The following GEN1 variants were observed in gnomAD, a reference collection of about 807,000 sequenced individuals.
The protein encoded by GEN1 is flap endonuclease GEN homolog 1.
GEN1 carries 64 observed loss-of-function variants against 67.6 expected under a neutral mutation model. The observed-to-expected ratio is 0.95, with a 90% CI of 0.77 to 1.17. The LOEUF (loss-of-function observed/expected upper bound fraction) is 1.17, where lower values mean the gene tolerates loss of function less well. GEN1 is among the 50% of genes most tolerant of loss of function. The pLI, the probability that GEN1 is intolerant of heterozygous loss-of-function variation, is 0.00. For missense variants in GEN1, 1,058 were observed against 1,048.3 expected, an observed-to-expected ratio of 1.01 and a Z score of -0.13; for synonymous variants, 371 against 359.4, an observed-to-expected ratio of 1.03 and a Z score of -0.37.
Position 17,782,007 on chromosome 2 carries a change from G to T in GEN1, c.*68G>T. The T allele has an allele frequency of 1.2e-6, 1 of 830,306 alleles. No individual in the cohort carries two copies. Among genetic ancestry groups the T allele is most frequent in the Non-Finnish European group, 1.9e-6 (1 of 533,292 alleles). The allele number at this position is 830,306 out of a possible 1,614,324, so 51.4% of individuals were successfully genotyped here. A position where few individuals can be genotyped will look rare whatever the true frequency, so the allele number is the denominator to read the frequency against. On this transcript the variant is annotated 3_prime_UTR_variant, in exon 14 of 14. Transcript: ENST00000381254. ...CAGCAATAGCAGAGACAGAGGGAAG[G>T]TATCTAGTTCATGTGTGGTAAAAAT...
chr2:17,776,996 C>T (rs938141821), intron 11 of GEN1, among the ~76,000 whole-genome samples: 1 of 152,094 alleles, frequency 6.6e-6, no homozygotes, highest in Non-Finnish European at 1.5e-5. Context: ...CCTGGTGGTA[C>T]ATGCCTGTAA....
rs1383525613 is a variant in GEN1 at position 17,780,620 on chromosome 2, G to T, written c.1409-1G>T. 2 of 1,526,744 alleles carry T rather than the reference G, an allele frequency of 1.3e-6. No individual in the cohort carries two copies. The highest frequency in any genetic ancestry group is 8.8e-7 in the Non-Finnish European group (1 of 1,136,180). The allele number at this position is 1,526,744 out of a possible 1,614,324, so 94.6% of individuals were successfully genotyped here. A position where few individuals can be genotyped will look rare whatever the true frequency, so the allele number is the denominator to read the frequency against. On this transcript the variant is annotated splice_acceptor_variant, in intron 13 of 13. Transcript: ENST00000381254. LOFTEE classifies it high-confidence loss of function. ...ATTATATGTATTTTTTTTCTTTTCAGGTATTAAGCCTAAAGAAAACAATTT... is the reference window on the plus strand; with the variant it reads ...ATTATATGTATTTTTTTTCTTTTCATGTATTAAGCCTAAAGAAAACAATTT...
At position 17,787,409 on chromosome 2, in the gene GEN1, C is replaced by T. The variant is rs1485550122; in HGVS notation, c.*5470C>T. ...ACAGGGTTTGACTCTTCTGCCTCACCAACTCTTACCCATCGAGATTCAGTG... is the reference window on the plus strand; with the variant it reads ...ACAGGGTTTGACTCTTCTGCCTCACTAACTCTTACCCATCGAGATTCAGTG... On this transcript the variant is annotated 3_prime_UTR_variant, in exon 14 of 14. Transcript: ENST00000381254. 6.6e-6 allele frequency: 1 copy of T among 152,174 alleles called. No homozygotes were observed. Among genetic ancestry groups the T allele is most frequent in the Non-Finnish European group, 1.5e-5 (1 of 68,048 alleles). 9.4% of individuals were successfully genotyped at this position (152,174 alleles called of 1,614,324 possible). A position where few individuals can be genotyped will look rare whatever the true frequency, so the allele number is the denominator to read the frequency against.
At position 17,785,843 on chromosome 2, in the gene GEN1, G is replaced by GAGAT. The variant is rs1186466914; in HGVS notation, c.*3907_*3910dup. On this transcript the variant is annotated 3_prime_UTR_variant, in exon 14 of 14. Transcript: ENST00000381254. ...TGGGAGGCAGAGGTTGCAGTGAGCT[G>GAGAT]AGATAGTGCCACTGCACTTCACTCC... 1 of 152,228 alleles carries GAGAT rather than the reference G, an allele frequency of 6.6e-6. No individual in the cohort carries two copies. Among genetic ancestry groups the GAGAT allele is most frequent in the African/African-American group, 2.4e-5 (1 of 41,414 alleles). 9.4% of individuals were successfully genotyped at this position (152,228 alleles called of 1,614,324 possible).
At chr2:17,764,136 A>G (rs974711779) in intron 3 of GEN1, among the ~76,000 whole-genome samples, 1 of 152,254 alleles carries the variant, frequency 6.6e-6, no homozygotes, top group African/African-American at 2.4e-5. Flanking sequence ...TTTGTGCATC[A>G]GCAAAATGAT....
intron 4 of GEN1, among the ~76,000 whole-genome samples, chr2:17,766,189 A>T (rs1440606746): frequency 6.6e-6 from 1 of 152,134 alleles, no homozygotes; most frequent in Admixed American, 6.5e-5. Flanking sequence ...TTTTTTTGAG[A>T]CGTAGTCTCA....
intron 4 of GEN1, among the ~76,000 whole-genome samples, chr2:17,765,885 A>C (rs531591030): frequency 6.6e-6 from 1 of 152,162 alleles, no homozygotes; most frequent in East Asian, 1.9e-4. Flanking sequence ...TTTTGGAAGA[A>C]TATGCACCAA....
chr2:17,763,740 TA>T (rs1448342128), intron 3 of GEN1, among the ~76,000 whole-genome samples: 8 of 152,212 alleles, frequency 5.3e-5, no homozygotes, highest in South Asian at 4.1e-4. Flanking sequence ...ATTTTTTACC[TA>T]GGGGTAAGGT....
intron 9 of GEN1, 21 bp downstream of exon 9, chr2:17,773,153 T>C: frequency 6.4e-7 from 1 of 1,570,712 alleles, no homozygotes; most frequent in Non-Finnish European, 8.7e-7. Context: ...GTAATTCAAC[T>C]CTATTAATTT....
At position 17,781,079 on chromosome 2, in the gene GEN1, G is replaced by A. The variant is rs1329483118; in HGVS notation, c.1867G>A (p.Asp623Asn). Reference protein sequence around the residue: ...EVESELSAIPDGFENIPEQLS... With the variant: ...EVESELSAIPNGFENIPEQLS... ...TGAATCAGAGCTATCAGCCATCCCT[G>A]ATGGCTTTGAAAATATCCCAGAACA... Residue 623 changes from aspartate (D) to asparagine (N), a missense_variant, in exon 14 of 14, where the codon GAT (aspartate) becomes AAT (asparagine). Asp to Asn is a conservative substitution (Grantham distance 23, BLOSUM62 1). Transcript: ENST00000381254. 4 of 1,613,720 alleles carry A rather than the reference G, an allele frequency of 2.5e-6. No individual in the cohort carries two copies. Among genetic ancestry groups the A allele is most frequent in the African/African-American group, 1.3e-5 (1 of 75,038 alleles).
intron 5 of GEN1, among the ~76,000 whole-genome samples, chr2:17,767,085 A>G (rs1671968804): frequency 6.6e-6 from 1 of 152,158 alleles, no homozygotes; most frequent in Non-Finnish European, 1.5e-5. Flanking sequence ...CACATGCTCA[A>G]TGCTATTACT....
At chr2:17,758,055 A>G (rs1671506815) in intron 1 of GEN1, among the ~76,000 whole-genome samples, 1 of 152,144 alleles carries the variant, frequency 6.6e-6, no homozygotes, top group Non-Finnish European at 1.5e-5. Context: ...CTACTGATTT[A>G]TTTGCTATAT....
Position 17,781,112 on chromosome 2 carries a change from T to G in GEN1, c.1900T>G (p.Cys634Gly). 1.9e-6 allele frequency: 3 copies of G among 1,613,734 alleles called. No homozygotes were observed. The highest frequency in any genetic ancestry group is 2.5e-6 in the Non-Finnish European group (3 of 1,179,686). The change falls in exon 14 of 14, where the codon TGT (cysteine) becomes GGT (glycine). Residue 634 changes from cysteine to glycine, a missense_variant. By Grantham distance (159) the Cys-to-Gly change is radical. Coordinates refer to ENST00000381254, the MANE Select transcript of GEN1 (RefSeq NM_001130009.3). ...GFENIPEQLSCESERYTANIK... is the reference protein window; with the variant it reads ...GFENIPEQLSGESERYTANIK... ...TGAAAATATCCCAGAACAACTGTCC[T>G]GTGAATCAGAAAGGTACACTGCAAA...
chr2:17,778,006 G>C lies in GEN1; in HGVS notation c.1207G>C (p.Val403Leu), dbSNP rs1204822002. ...NSNQLQPIRI[V>L]KTRIRNGVHC... is the part of the protein sequence containing the mutation. ...TTAAATGAATTTGTTTTTCAGAATT[G>C]TTAAGACTCGAATCAGAAATGGAGT... is the stretch of plus-strand genomic sequence containing the variant. Residue 403 changes from valine to leucine, a missense_variant, in exon 12 of 14, where the codon GTT becomes CTT. Val to Leu is a conservative substitution (Grantham distance 32). Transcript: ENST00000381254. 1 of 1,582,302 alleles carries C rather than the reference G, an allele frequency of 6.3e-7. No homozygotes were observed. The highest frequency in any genetic ancestry group is 8.7e-7 in the Non-Finnish European group (1 of 1,153,308).
chr2:17,772,626 C>T lies in GEN1; in HGVS notation c.803-8C>T. 1 of 1,593,142 alleles carries T rather than the reference C, an allele frequency of 6.3e-7. No individual in the cohort carries two copies. The highest frequency in any genetic ancestry group is 8.5e-7 in the Non-Finnish European group (1 of 1,171,780). On this transcript the variant is annotated splice_polypyrimidine_tract_variant and splice_region_variant and intron_variant, in intron 7 of 13. Coordinates refer to ENST00000381254, the MANE Select transcript of GEN1 (RefSeq NM_001130009.3). ...AAAATATTATACTTTTTTTGGGTCTCCATAAAGGTTCACCTAAGGATCATG... is the reference window on the plus strand; with the variant it reads ...AAAATATTATACTTTTTTTGGGTCTTCATAAAGGTTCACCTAAGGATCATG...
chr2:17,760,028 GTTGAT>G lies in GEN1; in HGVS notation c.86_90del (p.Val29AlafsTer7). On this transcript the variant is annotated frameshift_variant, in exon 2 of 14. Coordinates refer to ENST00000381254, the MANE Select transcript of GEN1 (RefSeq NM_001130009.3). LOFTEE classifies it high-confidence loss of function. ...TAATCTTGGTGGGAAAACCATTGCA[GTTGAT>G]CTGAGTCTCTGGGTGTGTGAGGCAC... The G allele has an allele frequency of 6.2e-7, 1 of 1,614,114 alleles. No individual in the cohort carries two copies. The highest frequency in any genetic ancestry group is 8.5e-7 in the Non-Finnish European group (1 of 1,180,018).
At chr2:17,760,325 A>C (rs868831147) in intron 2 of GEN1, among the ~76,000 whole-genome samples, 2 of 152,250 alleles carry the variant, frequency 1.3e-5, no homozygotes, top group Middle Eastern at 3.4e-3. Flanking sequence ...CTCCTACTTA[A>C]CGTATCCACT....
intron 11 of GEN1, among the ~76,000 whole-genome samples, chr2:17,776,487 G>A (rs1672441290): frequency 6.6e-6 from 1 of 152,180 alleles, no homozygotes; most frequent in African/African-American, 2.4e-5. Flanking sequence ...AGACATGTTT[G>A]CAACTAACTT....
rs1673082769 is a variant in GEN1 at position 17,787,076 on chromosome 2, T to C, written c.*5137T>C. ...TATTCCCTGCACGGATGTCTCTGCC[T>C]GAAATGCTTGCTGCTTCCTTATTGG... On this transcript the variant is annotated 3_prime_UTR_variant, in exon 14 of 14. Coordinates refer to ENST00000381254, the MANE Select transcript of GEN1 (RefSeq NM_001130009.3). 6.6e-6 allele frequency: 1 copy of C among 152,236 alleles called. No homozygotes were observed. Among genetic ancestry groups the C allele is most frequent in the Non-Finnish European group, 1.5e-5 (1 of 68,068 alleles). The allele number at this position is 152,236 out of a possible 1,614,324, so 9.4% of individuals were successfully genotyped here.
Sources: allele counts gnomAD v4.1 joint callset (sites outside exome capture counted in the v4.1 genomes callset), GRCh38; gene constraint gnomAD v4.1.1; transcripts MANE v1.5; gene names NCBI Gene and HGNC (gene_info 2026-07-23, HGNC 2026-07-21).